The following COL26A1 variants were observed in gnomAD, a reference collection of about 807,000 sequenced individuals.
COL26A1 encodes the protein collagen alpha-1(XXVI) chain.
Under a neutral mutation model 59.3 loss-of-function variants are expected in COL26A1, and 41 were observed. That is an observed-to-expected ratio of 0.69 (90% confidence interval 0.54 to 0.90). COL26A1 has a LOEUF of 0.90. COL26A1 is among the 40% of genes least tolerant of loss of function. The probability of loss-of-function intolerance (pLI) is 0.00; values close to 1 mark genes in which losing one functional copy is unlikely to be tolerated. For synonymous variants in COL26A1, 266 were observed against 256.0 expected, an observed-to-expected ratio of 1.04 and a Z score of -0.37; for missense variants, 612 against 602.3, an observed-to-expected ratio of 1.02 and a Z score of -0.17.
At chr7:101,456,168 A>AT (rs149361281) in intron 3 of COL26A1, among the ~76,000 whole-genome samples, 2,661 of 124,568 alleles carry the variant, frequency 0.021, 44 homozygotes, top group East Asian at 0.026. Flanking sequence ...ATATATATAT[A>AT]TTTTTTTTTT....
At chr7:101,488,349 A>AATATATATAT (rs368433793) in intron 3 of COL26A1, among the ~76,000 whole-genome samples, 50 of 104,960 alleles carry the variant, frequency 4.8e-4, no homozygotes, top group African/African-American at 1.6e-3. Flanking sequence ...AATTTTATTT[A>AATATATATAT]ATATATATAT....
At position 101,437,842 on chromosome 7, in the gene COL26A1, G is replaced by A. The variant is rs1344094733; in HGVS notation, c.282-9842G>A. Among the ~76,000 whole-genome samples, 7 of 151,472 alleles carry A rather than the reference G, an allele frequency of 4.6e-5. No individual in the cohort carries two copies. The South Asian group carries it at 1.3e-3, about 27-fold the overall frequency. ...CTTCCCACCTCAGCCTCCCAAGTACGTGGGGACTACAGGCATGCACCACTA... is the reference window on the plus strand; with the variant it reads ...CTTCCCACCTCAGCCTCCCAAGTACATGGGGACTACAGGCATGCACCACTA... On this transcript the variant is annotated intron_variant, in intron 2 of 12. Coordinates refer to ENST00000313669, the MANE Select transcript of COL26A1 (RefSeq NM_001278563.3).
At chr7:101,490,255 G>A (rs977635753) in intron 3 of COL26A1, among the ~76,000 whole-genome samples, 1 of 151,904 alleles carries the variant, frequency 6.6e-6, no homozygotes, top group African/African-American at 2.4e-5. Flanking sequence ...TTTTTAAGTA[G>A]AGACAAAGTC....
At position 101,436,116 on chromosome 7, in the gene COL26A1, G is replaced by A. The variant is rs118117898; in HGVS notation, c.282-11568G>A. Among the ~76,000 whole-genome samples the A allele has an allele frequency of 8.2e-3, 1,243 of 152,230 alleles. 14 individuals carry two copies. Among genetic ancestry groups the A allele is most frequent in the Non-Finnish European group, 9.9e-3 (671 of 68,006 alleles). Reference sequence around the variant, plus strand: ...TGGGCTGCATCCACTGCACCACCCCGCACCGCCCCCAGGTGGACTGTGACC... The same window carrying A: ...TGGGCTGCATCCACTGCACCACCCCACACCGCCCCCAGGTGGACTGTGACC... On this transcript the variant is annotated intron_variant, in intron 2 of 12. Coordinates refer to ENST00000313669, the MANE Select transcript of COL26A1 (RefSeq NM_001278563.3).
chr7:101,457,004 C>T (rs879623026), intron 3 of COL26A1, among the ~76,000 whole-genome samples: 1 of 152,082 alleles, frequency 6.6e-6, no homozygotes, highest in African/African-American at 2.4e-5. Flanking sequence ...ATGCCGGCCA[C>T]GTGGGAGAAC....
At chr7:101,395,673 T>C (rs1444264855) in intron 1 of COL26A1, among the ~76,000 whole-genome samples, 2 of 152,158 alleles carry the variant, frequency 1.3e-5, no homozygotes, top group Non-Finnish European at 2.9e-5. Context: ...TTTGTGACTT[T>C]CTTGTGGTCA....
intron 1 of COL26A1, among the ~76,000 whole-genome samples, chr7:101,392,492 C>T (rs996534256): frequency 3.3e-5 from 5 of 151,092 alleles, no homozygotes; most frequent in African/African-American, 7.3e-5. Context: ...ACCTCCGCCT[C>T]CCGGGTTCAA....
intron 3 of COL26A1, among the ~76,000 whole-genome samples, chr7:101,460,722 A>G (rs1793590250): frequency 6.6e-6 from 1 of 152,046 alleles, no homozygotes; most frequent in Admixed American, 6.6e-5. Flanking sequence ...CGGAGGTTCC[A>G]ATAAGCCGAG....
chr7:101,446,942 T>C (rs1227886971), intron 2 of COL26A1, among the ~76,000 whole-genome samples: 2 of 151,980 alleles, frequency 1.3e-5, no homozygotes. Context: ...CAAATCAGTC[T>C]CCTGAGCATT....
Position 101,557,462 on chromosome 7 carries a change from G to A in COL26A1, c.1258G>A (p.Val420Ile). The A allele has an allele frequency of 6.2e-7, 1 of 1,613,726 alleles. No individual in the cohort carries two copies. The highest frequency in any genetic ancestry group is 1.1e-5 in the South Asian group (1 of 91,068). Reference protein sequence around the residue: ...MKRGGAQPDGVLAALLGPDPG... With the variant: ...MKRGGAQPDGILAALLGPDPG... ...GAGGGGTGGCGCCCAACCCGATGGG[G>A]TCCTTGCTGCCCTGCTTGGGCCCGA... Residue 420 changes from valine (V) to isoleucine (I), a missense_variant, in exon 13 of 13, where the codon GTC becomes ATC. Transcript: ENST00000313669.
At chr7:101,484,553 T>A (rs1382795291) in intron 3 of COL26A1, among the ~76,000 whole-genome samples, 1 of 151,742 alleles carries the variant, frequency 6.6e-6, no homozygotes, top group South Asian at 2.1e-4. Context: ...GTATTTTTAG[T>A]GGAGACAGGG....
intron 2 of COL26A1, among the ~76,000 whole-genome samples, chr7:101,441,707 C>A (rs1793061948): frequency 1.3e-5 from 2 of 152,236 alleles, no homozygotes; most frequent in South Asian, 2.1e-4. Flanking sequence ...TGGAGGGCTC[C>A]CGCCTGGTGG....
At chr7:101,482,200 GT>G (rs1794171137) in intron 3 of COL26A1, among the ~76,000 whole-genome samples, 1 of 152,072 alleles carries the variant, frequency 6.6e-6, no homozygotes, top group African/African-American at 2.4e-5. Flanking sequence ...TAGAGACGGG[GT>G]TTTGCCATGC....
chr7:101,557,273 G>T, intron 12 of COL26A1, 97 bp from the exon 13 acceptor site: 1 of 1,298,038 alleles, frequency 7.7e-7, no homozygotes, highest in African/African-American at 1.5e-5. Flanking sequence ...TCCACGCTGG[G>T]CAAGAGCATC....
At chr7:101,385,301 C>T (rs147089973) in intron 1 of COL26A1, among the ~76,000 whole-genome samples, 5 of 146,508 alleles carry the variant, frequency 3.4e-5, no homozygotes, top group African/African-American at 5.0e-5. Context: ...TGTGTATATA[C>T]GGTGTGTGTG....
intron 3 of COL26A1, among the ~76,000 whole-genome samples, chr7:101,531,866 C>CCA (rs1378293393): frequency 2.6e-5 from 4 of 152,036 alleles, no homozygotes; most frequent in African/African-American, 9.7e-5. Context: ...GGGAGGCTGA[C>CCA]AGTGTCGGGG....
At chr7:101,455,186 G>A (rs1043604212) in intron 3 of COL26A1, among the ~76,000 whole-genome samples, 4 of 151,668 alleles carry the variant, frequency 2.6e-5, no homozygotes, top group African/African-American at 7.3e-5. Flanking sequence ...GGGACTACGG[G>A]CATGAACCAC....
At chr7:101,540,977 AC>A (rs1795604852) in intron 5 of COL26A1, among the ~76,000 whole-genome samples, 1 of 152,232 alleles carries the variant, frequency 6.6e-6, no homozygotes, top group Non-Finnish European at 1.5e-5. Context: ...CCCTGTCTCT[AC>A]AAAAAATTAT....
At chr7:101,394,585 CTTT>C (rs59966789) in intron 1 of COL26A1, among the ~76,000 whole-genome samples, 1 of 122,788 alleles carries the variant, frequency 8.1e-6, no homozygotes, top group Non-Finnish European at 1.6e-5. Context: ...TTTTTCTTTT[CTTT>C]TTTTTTTTTT....
Sources: gnomAD v4.1 joint callset for allele counts (sites outside exome capture counted in the v4.1 genomes callset) on GRCh38, gnomAD v4.1.1 for gene constraint, MANE v1.5 for transcripts, NCBI Gene and HGNC (gene_info 2026-07-23, HGNC 2026-07-21) for gene names.